LRP1B: variants seen among roughly 807,000 people sequenced by gnomAD.
The protein encoded by LRP1B is low-density lipoprotein receptor-related protein 1B.
Under a neutral mutation model 556.6 loss-of-function variants are expected in LRP1B, and 217 were observed. The observed-to-expected ratio is 0.39, with a 90% CI of 0.35 to 0.44. The LOEUF (loss-of-function observed/expected upper bound fraction) is 0.44, where lower values mean the gene tolerates loss of function less well. LRP1B is among the 20% of genes least tolerant of loss of function. LRP1B has a pLI of 1.00. For missense variants in LRP1B, 5,053 were observed against 5,620.8 expected, an observed-to-expected ratio of 0.90 and a Z score of 3.23; for synonymous variants, 2,047 against 1,865.8, an observed-to-expected ratio of 1.10 and a Z score of -2.50.
At chr2:141,341,680 C>T (rs1029909558) in intron 3 of LRP1B, among the ~76,000 whole-genome samples, 24 of 152,260 alleles carry the variant, frequency 1.6e-4, no homozygotes, top group Non-Finnish European at 2.6e-4. Context: ...CCAAAGAATG[C>T]GGATGGAAAT....
intron 71 of LRP1B, among the ~76,000 whole-genome samples, chr2:140,365,067 T>C (rs1360660821): frequency 1.3e-5 from 2 of 151,692 alleles, no homozygotes; most frequent in Non-Finnish European, 3.0e-5. Context: ...TAAGTTATAC[T>C]CTGCTTCACA....
At chr2:140,540,672 C>G (rs1336422996) in intron 45 of LRP1B, among the ~76,000 whole-genome samples, 1 of 152,100 alleles carries the variant, frequency 6.6e-6, no homozygotes, top group Non-Finnish European at 1.5e-5. Context: ...CACAAAGTCA[C>G]AACTGGAAGT....
intron 2 of LRP1B, among the ~76,000 whole-genome samples, chr2:141,551,833 C>A (rs1388279125): frequency 6.6e-6 from 1 of 151,994 alleles, no homozygotes; most frequent in African/African-American, 2.4e-5. Context: ...AAATAATAAA[C>A]ACCCCATTAT....
chr2:140,942,548 A>C (rs1454814393), intron 20 of LRP1B, among the ~76,000 whole-genome samples: 2 of 152,142 alleles, frequency 1.3e-5, no homozygotes, highest in African/African-American at 4.8e-5. Context: ...GACAAAAGTC[A>C]TATCACCTTC....
At chr2:141,656,454 T>C (rs910283930) in intron 2 of LRP1B, among the ~76,000 whole-genome samples, 6 of 152,196 alleles carry the variant, frequency 3.9e-5, no homozygotes, top group African/African-American at 1.4e-4. Flanking sequence ...ATCTGTATCT[T>C]AATATTGAAA....
intron 20 of LRP1B, among the ~76,000 whole-genome samples, chr2:140,939,981 GT>G (rs748406617): frequency 1.4e-4 from 21 of 150,266 alleles, no homozygotes; most frequent in Non-Finnish European, 2.7e-4. Flanking sequence ...CACCTCCCAG[GT>G]TCAAACGATT....
chr2:140,783,294 C>G (rs1689765077), intron 32 of LRP1B, among the ~76,000 whole-genome samples: 1 of 151,838 alleles, frequency 6.6e-6, no homozygotes, highest in Non-Finnish European at 1.5e-5. Flanking sequence ...AAAAAATCAG[C>G]CCTTCATGTC....
chr2:141,267,483 A>G (rs937189133), intron 3 of LRP1B, among the ~76,000 whole-genome samples: 4 of 152,192 alleles, frequency 2.6e-5, no homozygotes, highest in Non-Finnish European at 5.9e-5. Flanking sequence ...TACAAGGTGC[A>G]TTGGACTGGC....
rs1335471213 is a variant in LRP1B at position 140,597,784 on chromosome 2, G to C, written c.7194+847C>G. On this transcript the variant is annotated intron_variant, in intron 43 of 90. Coordinates refer to ENST00000389484, the MANE Select transcript of LRP1B (RefSeq NM_018557.3). The stretch of plus-strand genomic sequence containing the variant: ...TTCTCTATGTCTGTGTTAGTGCCGT[G>C]AAACACTGTAGTTGTGATAGAGATC... 2.0e-5 allele frequency among the ~76,000 whole-genome samples: 3 copies of C among 152,256 alleles called. No homozygotes were observed. In the East Asian group the frequency reaches 5.8e-4, roughly 29 times the overall value.
At chr2:140,278,992 C>T (rs890275640) in intron 84 of LRP1B, among the ~76,000 whole-genome samples, 2 of 151,954 alleles carry the variant, frequency 1.3e-5, no homozygotes, top group Non-Finnish European at 2.9e-5. Flanking sequence ...AGATGTTTGA[C>T]TGGACTGTGT....
At chr2:140,816,633 A>G (rs1043508563) in intron 31 of LRP1B, among the ~76,000 whole-genome samples, 1 of 152,142 alleles carries the variant, frequency 6.6e-6, no homozygotes, top group African/African-American at 2.4e-5. Context: ...TGCATATCAC[A>G]TAACTCCCTC....
intron 7 of LRP1B, among the ~76,000 whole-genome samples, chr2:141,114,242 T>A (rs1700824898): frequency 6.6e-6 from 1 of 152,222 alleles, no homozygotes; most frequent in South Asian, 2.1e-4. Context: ...CAATTAATGC[T>A]CTTTTAACAG....
At chr2:140,570,589 C>A (rs1681287746) in intron 43 of LRP1B, among the ~76,000 whole-genome samples, 1 of 151,542 alleles carries the variant, frequency 6.6e-6, no homozygotes, top group Admixed American at 6.6e-5. Flanking sequence ...TGAATTCTAC[C>A]AAACATTTGA....
At chr2:140,862,160 A>G (rs1692817800) in intron 27 of LRP1B, among the ~76,000 whole-genome samples, 2 of 152,318 alleles carry the variant, frequency 1.3e-5, no homozygotes, top group South Asian at 4.1e-4. Flanking sequence ...TCTCAAATTC[A>G]GCACATTTCA....
chr2:141,874,863 G>T (rs1383696246), intron 1 of LRP1B, among the ~76,000 whole-genome samples: 1 of 151,888 alleles, frequency 6.6e-6, no homozygotes, highest in East Asian at 1.9e-4. Flanking sequence ...TTGAAATTTA[G>T]TATGTGGACA....
chr2:140,722,424 A>G (rs1408124392), intron 35 of LRP1B, among the ~76,000 whole-genome samples: 7 of 152,170 alleles, frequency 4.6e-5, no homozygotes, highest in African/African-American at 1.7e-4. Flanking sequence ...AATTATCTCA[A>G]TGCTCTCCTA....
intron 32 of LRP1B, among the ~76,000 whole-genome samples, chr2:140,782,639 T>G (rs1374299611): frequency 1.3e-5 from 2 of 152,132 alleles, no homozygotes; most frequent in East Asian, 1.9e-4. Flanking sequence ...ATTACAGGAA[T>G]TAATGGATTA....
chr2:140,991,556 G>A (rs1697093178), intron 16 of LRP1B, among the ~76,000 whole-genome samples: 1 of 152,066 alleles, frequency 6.6e-6, no homozygotes, highest in South Asian at 2.1e-4. Flanking sequence ...GCCAGGCACT[G>A]TGCTAGACCG....
intron 46 of LRP1B, among the ~76,000 whole-genome samples, chr2:140,534,762 T>G (rs1690874609): frequency 6.6e-6 from 1 of 152,184 alleles, no homozygotes; most frequent in African/African-American, 2.4e-5. Flanking sequence ...CTGCCACGTA[T>G]TAAATGCCAG....
Sources: allele counts gnomAD v4.1 joint callset (sites outside exome capture counted in the v4.1 genomes callset), GRCh38; gene constraint gnomAD v4.1.1; transcripts MANE v1.5; gene names NCBI Gene and HGNC (gene_info 2026-07-23, HGNC 2026-07-21).